Variants in ARPP21 observed in about 807,000 individuals in gnomAD.
The protein encoded by ARPP21 is cAMP-regulated phosphoprotein 21.
A neutral mutation model predicts 113.2 loss-of-function variants in ARPP21; 69 were observed. The observed-to-expected ratio is 0.61, with a 90% confidence interval of 0.50 to 0.74. The LOEUF is 0.74. Ranked by LOEUF, ARPP21 falls within the 30% of genes least tolerant of loss-of-function variation. The pLI, the probability that ARPP21 is intolerant of heterozygous loss-of-function variation, is 0.00. For synonymous variants in ARPP21, 368 were observed against 375.5 expected (o/e 0.98, Z 0.23); for missense variants, 1,070 against 1,037.4 (o/e 1.03, Z -0.43).
intron 19 of ARPP21, among the ~76,000 whole-genome samples, chr3:35,764,231 T>C (rs2095874500): frequency 6.6e-6 from 1 of 152,154 alleles, no homozygotes; most frequent in South Asian, 2.1e-4. Flanking sequence ...AATTTTAACC[T>C]CTAAGAAATC....
chr3:35,655,650 A>G (rs978750191), intron 1 of ARPP21, among the ~76,000 whole-genome samples: 5 of 152,006 alleles, frequency 3.3e-5, no homozygotes, highest in Non-Finnish European at 7.4e-5. Context: ...CAGGGCCCAT[A>G]TTTTAACACA....
chr3:35,724,715 T>G (rs1203369504), intron 14 of ARPP21, among the ~76,000 whole-genome samples: 4 of 152,202 alleles, frequency 2.6e-5, no homozygotes, highest in East Asian at 1.9e-4. Context: ...TATTGTCACA[T>G]TCCTTGCCTA....
intron 15 of ARPP21, among the ~76,000 whole-genome samples, chr3:35,735,941 A>C (rs2094321358): frequency 6.6e-6 from 1 of 151,986 alleles, no homozygotes; most frequent in Non-Finnish European, 1.5e-5. Flanking sequence ...ACCTCACCTG[A>C]CTTCTCATTC....
Position 35,639,974 on chromosome 3 carries a change from G to A in ARPP21, c.-637G>A, listed in dbSNP as rs2148818220. ...GGACCCACAGACGGTCGGACTGACA[G>A]ACGTGCAGACGGACAGAAGAGCAGA... On this transcript the variant is annotated 5_prime_UTR_variant, in exon 1 of 21. Coordinates refer to ENST00000684406, the MANE Select transcript of ARPP21 (RefSeq NM_001385562.1). This position sits in a 1 kb window ranked among gnomAD's most constrained non-coding sequence, Gnocchi z 5.0. 1 of 152,386 alleles carries A rather than the reference G, an allele frequency of 6.6e-6. No homozygotes were observed. Among genetic ancestry groups the A allele is most frequent in the African/African-American group, 2.4e-5 (1 of 41,582 alleles). 9.4% of individuals were successfully genotyped at this position (152,386 alleles called of 1,614,324 possible). A position where few individuals can be genotyped will look rare whatever the true frequency, so the allele number is the denominator to read the frequency against.
intron 19 of ARPP21, among the ~76,000 whole-genome samples, chr3:35,754,311 A>G (rs2095502906): frequency 6.6e-6 from 1 of 151,988 alleles, no homozygotes; most frequent in Non-Finnish European, 1.5e-5. Context: ...AAGCAATGCA[A>G]AAGTTGTTAC....
chr3:35,792,815 T>G (rs563727107), intron 20 of ARPP21, among the ~76,000 whole-genome samples: 2 of 152,368 alleles, frequency 1.3e-5, no homozygotes, highest in South Asian at 2.1e-4. Context: ...ATAAAGACCT[T>G]TGGAAATTTT....
At chr3:35,732,777 C>A (rs1482800265) in intron 15 of ARPP21, among the ~76,000 whole-genome samples, 1 of 152,150 alleles carries the variant, frequency 6.6e-6, no homozygotes, top group Non-Finnish European at 1.5e-5. Context: ...TTTGAGGAGC[C>A]TTTTAGAGCT....
chr3:35,667,172 C>T (rs2074587593), intron 1 of ARPP21, among the ~76,000 whole-genome samples: 1 of 152,114 alleles, frequency 6.6e-6, no homozygotes, highest in Admixed American at 6.6e-5. Flanking sequence ...AATCAAAATA[C>T]TGTCAGGCAC....
chr3:35,718,859 A>G (rs917010325), intron 13 of ARPP21, among the ~76,000 whole-genome samples: 2 of 151,090 alleles, frequency 1.3e-5, no homozygotes, highest in South Asian at 2.1e-4. Context: ...TCTCATTACT[A>G]TCATCTTCCT....
chr3:35,762,155 C>CAT (rs2095807120), intron 19 of ARPP21, among the ~76,000 whole-genome samples: 1 of 150,776 alleles, frequency 6.6e-6, no homozygotes, highest in South Asian at 2.1e-4. Flanking sequence ...CACACACACA[C>CAT]GCTTTTGGAA....
At chr3:35,674,202 C>A (rs1380325558) in intron 1 of ARPP21, among the ~76,000 whole-genome samples, 3 of 151,916 alleles carry the variant, frequency 2.0e-5, no homozygotes, top group African/African-American at 7.2e-5. Flanking sequence ...TTCACGTTTT[C>A]ATCCCTGAAA....
intron 1 of ARPP21, among the ~76,000 whole-genome samples, chr3:35,660,889 T>A (rs928707107): frequency 1.3e-5 from 2 of 152,146 alleles, no homozygotes; most frequent in East Asian, 3.9e-4. Flanking sequence ...CTATAATGAC[T>A]CATTTGGAAG....
intron 5 of ARPP21, chr3:35,684,170 C>G: frequency 7.2e-6 from 10 of 1,380,092 alleles, no homozygotes; most frequent in Non-Finnish European, 9.4e-6. Context: ...TCTCTCCTTC[C>G]TTGTTGGAGA....
chr3:35,689,256 C>G (rs1176416446), intron 6 of ARPP21, 51 bp from the exon 7 acceptor site: 1 of 861,174 alleles, frequency 1.2e-6, no homozygotes, highest in East Asian at 2.4e-5. Context: ...CCTTTTCTAC[C>G]CCACCTTTCC....
intron 1 of ARPP21, among the ~76,000 whole-genome samples, chr3:35,668,009 AAG>A (rs1480671094): frequency 2.7e-5 from 4 of 147,176 alleles, no homozygotes; most frequent in African/African-American, 1.0e-4. Context: ...GAAGAAGAAG[AAG>A]AAGAAGAAGA....
In ARPP21 at chr3:35,792,631, C is replaced by G. The variant is rs931530307; in HGVS notation, c.2286+101C>G. On this transcript the variant is annotated intron_variant, in intron 20 of 20. Coordinates refer to ENST00000684406, the MANE Select transcript of ARPP21 (RefSeq NM_001385562.1). ...GGTTTGGGTGGCTGGCTGGGTAATGCGTGCTTGGTCCATAACTGTTGATAA... is the reference window on the plus strand; with the variant it reads ...GGTTTGGGTGGCTGGCTGGGTAATGGGTGCTTGGTCCATAACTGTTGATAA... 13 of 1,000,442 alleles carry G rather than the reference C, an allele frequency of 1.3e-5. No homozygotes were observed. In the Admixed American group the frequency reaches 2.3e-4, roughly 18 times the overall value. The allele number at this position is 1,000,442 out of a possible 1,614,324, so 62.0% of individuals were successfully genotyped here.
At chr3:35,788,273 G>A (rs370602473) in intron 19 of ARPP21, among the ~76,000 whole-genome samples, 34 of 152,206 alleles carry the variant, frequency 2.2e-4, no homozygotes, top group African/African-American at 4.6e-4. Flanking sequence ...ACCTCACACC[G>A]TGTACAAAGA....
Position 35,652,628 on chromosome 3 carries a change from A to G in ARPP21, c.-213+12230A>G, listed in dbSNP as rs1702886624. ...AGCATTGAGACAGAAGCAGACCTAC[A>G]AACTTGAATGGGCTTATATATTTTA... On this transcript the variant is annotated intron_variant, in intron 1 of 20. Coordinates refer to ENST00000684406, the MANE Select transcript of ARPP21 (RefSeq NM_001385562.1). Among the ~76,000 whole-genome samples the G allele has an allele frequency of 2.0e-5, 3 of 152,212 alleles. No homozygotes were observed. The South Asian group carries it at 6.2e-4, about 32-fold the overall frequency.
rs879945131 is a variant in ARPP21, at chr3:35,667,844, G to GAAGAA, written c.-212-11942_-212-11938dup. Among the ~76,000 whole-genome samples, 393 of 80,878 alleles carry GAAGAA rather than the reference G, an allele frequency of 4.9e-3. 21 individuals carry two copies. Among genetic ancestry groups the GAAGAA allele is most frequent in the East Asian group, 0.021 (60 of 2,844 alleles). The allele number at this position is 80,878 out of a possible 152,430, so 53.1% of individuals were successfully genotyped here. ...CACCTGCAGTACTTTTATTCTCAAA[G>GAAGAA]AAGAAGAAGAAGAAGAAGAAGAAGA... On this transcript the variant is annotated intron_variant, in intron 1 of 20. Coordinates refer to ENST00000684406, the MANE Select transcript of ARPP21 (RefSeq NM_001385562.1).
Sources: gnomAD v4.1 joint callset for allele counts (sites outside exome capture counted in the v4.1 genomes callset) on GRCh38, gnomAD v4.1.1 for gene constraint, Gnocchi (gnomAD v3.1) non-coding constraint, MANE v1.5 for transcripts, NCBI Gene and HGNC (gene_info 2026-07-23, HGNC 2026-07-21) for gene names.